OR7D2: variants seen among roughly 807,000 people sequenced by gnomAD.
The protein encoded by OR7D2 is olfactory receptor family 7 subfamily D member 2, also known as olfactory receptor 7D2.
For missense variants in OR7D2, 370 were observed against 384.1 expected (o/e 0.96, Z 0.31); for synonymous variants, 158 against 158.7 (o/e 1.00, Z 0.03).
chr19:9,183,574 GACCTT>G (rs1046696010), intron 2 of OR7D2, among the ~76,000 whole-genome samples: 2 of 152,108 alleles, frequency 1.3e-5, no homozygotes, highest in African/African-American at 4.8e-5. Context: ...CACCATGCCT[GACCTT>G]AGAATTATTA....
At chr19:9,181,362 T>C (rs2050988088) in intron 2 of OR7D2, among the ~76,000 whole-genome samples, 1 of 150,984 alleles carries the variant, frequency 6.6e-6, no homozygotes, top group Admixed American at 6.6e-5. Context: ...ATGTCATCTA[T>C]AGCAAAAGAA....
In OR7D2 at chr19:9,188,778, C is replaced by T. The variant is rs1466661197; in HGVS notation, c.*2058C>T. ...CAGATCAACAGTGTTTATTTGTTTT[C>T]CTACTGGATGAAGTATGATTAAAAT... On this transcript the variant is annotated 3_prime_UTR_variant, in exon 3 of 3. Coordinates refer to ENST00000641288, the MANE Select transcript of OR7D2 (RefSeq NM_175883.4). The T allele has an allele frequency of 6.0e-6, 1 of 166,972 alleles. No homozygotes were observed. Among genetic ancestry groups the T allele is most frequent in the Admixed American group, 6.5e-5 (1 of 15,270 alleles). The allele number at this position is 166,972 out of a possible 1,614,324, so 10.3% of individuals were successfully genotyped here.
chr19:9,180,657 T>C (rs1393570886), intron 1 of OR7D2, 41 bp from the exon 2 acceptor site: 1 of 121,504 alleles, frequency 8.2e-6, no homozygotes, highest in Non-Finnish European at 1.7e-5. Flanking sequence ...ATTTCTTGTT[T>C]GTCTTATATG....
chr19:9,182,582 AG>A (rs2050998434), intron 2 of OR7D2: 1 of 160,278 alleles, frequency 6.2e-6, no homozygotes, highest in Non-Finnish European at 1.4e-5. Context: ...CAGTGTCGCG[AG>A]ATCTCGGCTC....
In OR7D2 at chr19:9,186,705, A is replaced by C. The variant is rs61733545; in HGVS notation, c.924A>C (p.Ala308=). The C allele has an allele frequency of 0.053, 85,207 of 1,600,482 alleles. 3,000 individuals carry two copies. The highest frequency in any genetic ancestry group is 0.15 in the East Asian group (6,817 of 44,772). Residue 308 remains alanine, a synonymous_variant, in exon 3 of 3, where the codon GCA becomes GCC. Coordinates refer to ENST00000641288, the MANE Select transcript of OR7D2 (RefSeq NM_175883.4). ...KGALGSLLSR[A]ASCL is the part of the protein sequence containing the mutation. ...CCCTGGGGAGTCTCCTCAGCAGGGCAGCCTCTTGTTTGTGATGGATCCCTT... is the reference window on the plus strand; with the variant it reads ...CCCTGGGGAGTCTCCTCAGCAGGGCCGCCTCTTGTTTGTGATGGATCCCTT...
At chr19:9,183,130 C>T (rs1249334748) in intron 2 of OR7D2, 2 of 224,112 alleles carry the variant, frequency 8.9e-6, no homozygotes, top group African/African-American at 2.3e-5. Flanking sequence ...CAGCAGGGTC[C>T]GTGTGTACTG....
chr19:9,188,040 G>A lies in OR7D2; in HGVS notation c.*1320G>A, dbSNP rs1032551730. ...ATAATGACTTTGTTTCCTTTGGGTA[G>A]ATACCCAGTAGTGGAACTGCTGGAC... On this transcript the variant is annotated 3_prime_UTR_variant, in exon 3 of 3. Transcript: ENST00000641288. 1.8e-5 allele frequency: 3 copies of A among 164,950 alleles called. No individual in the cohort carries two copies. The highest frequency in any genetic ancestry group is 7.3e-5 in the African/African-American group (3 of 41,364). 10.2% of individuals were successfully genotyped at this position (164,950 alleles called of 1,614,324 possible).
At position 9,186,447 on chromosome 19, in the gene OR7D2, T is replaced by C. The variant is rs780311511; in HGVS notation, c.666T>C (p.Ala222=). The change falls in exon 3 of 3, where the codon GCT becomes GCC. Residue 222 remains alanine (A), a synonymous_variant. Coordinates refer to ENST00000641288, the MANE Select transcript of OR7D2 (RefSeq NM_175883.4). ...LGIIFSYSRI[A]SSIRKMSSSG... The stretch of plus-strand genomic sequence containing the variant: ...TCATTTTCTCTTATTCACGAATTGC[T>C]TCATCCATAAGGAAGATGTCCTCAT... 1 of 1,614,208 alleles carries C rather than the reference T, an allele frequency of 6.2e-7. No homozygotes were observed. The highest frequency in any genetic ancestry group is 8.5e-7 in the Non-Finnish European group (1 of 1,180,038).
chr19:9,184,241 GAAAAAATAC>G (rs1029494092), intron 2 of OR7D2, among the ~76,000 whole-genome samples: 5 of 151,376 alleles, frequency 3.3e-5, no homozygotes, highest in African/African-American at 9.7e-5. Flanking sequence ...CTAAAAAAAA[GAAAAAATAC>G]AAAAAATACA....
In OR7D2 at chr19:9,186,612, G is replaced by A. The variant is rs2051037909; in HGVS notation, c.831G>A (p.Met277Ile). Residue 277 changes from methionine to isoleucine, a missense_variant, in exon 3 of 3, where the codon ATG becomes ATA. By Grantham distance (10) the Met-to-Ile change is conservative. Transcript: ENST00000641288. ...SSQKISVASV[M>I]YTVVTPMLNP... ...AGAAAATCTCCGTGGCCTCGGTGAT[G>A]TACACTGTGGTCACCCCCATGTTGA... is the stretch of plus-strand genomic sequence containing the variant. 1 of 1,613,760 alleles carries A rather than the reference G, an allele frequency of 6.2e-7. No individual in the cohort carries two copies. Among genetic ancestry groups the A allele is most frequent in the Admixed American group, 1.7e-5 (1 of 59,980 alleles).
intron 2 of OR7D2, chr19:9,183,087 T>G (rs970782228): frequency 1.0e-4 from 31 of 298,802 alleles, no homozygotes; most frequent in Admixed American, 7.0e-4. Context: ...CCCCAGGAAC[T>G]TTAGTAGTTT....
rs1443468243 is a variant in OR7D2, at chr19:9,186,247, T to A, written c.466T>A (p.Ser156Thr). ...CACCTGGCTCATTGGTGTCATGACA[T>A]CCCTCCTCCATATTTCTCTGATGAT... ...FVTWLIGVMT[S>T]LLHISLMMHL... is the part of the protein sequence containing the mutation. The change falls in exon 3 of 3, where the codon TCC (serine) becomes ACC (threonine). Residue 156 changes from serine (S) to threonine (T), a missense_variant. By Grantham distance (58) the Ser-to-Thr change is moderately conservative. Coordinates refer to ENST00000641288, the MANE Select transcript of OR7D2 (RefSeq NM_175883.4). 1 of 1,613,910 alleles carries A rather than the reference T, an allele frequency of 6.2e-7. No individual in the cohort carries two copies. Among genetic ancestry groups the A allele is most frequent in the Non-Finnish European group, 8.5e-7 (1 of 1,179,966 alleles).
intron 2 of OR7D2, chr19:9,182,972 C>T (rs373576109): frequency 2.9e-4 from 132 of 452,690 alleles, no homozygotes; most frequent in African/African-American, 2.6e-3. Flanking sequence ...AAATTCATGG[C>T]CATCAGATAA....
rs77836061 is a variant in OR7D2 at position 9,186,610 on chromosome 19, A to G, written c.829A>G (p.Met277Val). The change falls in exon 3 of 3, where the codon ATG becomes GTG. Residue 277 changes from methionine to valine, a missense_variant. By Grantham distance (21) the Met-to-Val change is conservative (BLOSUM62 1). Transcript: ENST00000641288. ...SSQKISVASVMYTVVTPMLNP... is the reference protein window; with the variant it reads ...SSQKISVASVVYTVVTPMLNP... ...CCAGAAAATCTCCGTGGCCTCGGTG[A>G]TGTACACTGTGGTCACCCCCATGTT... 6.2e-7 allele frequency: 1 copy of G among 1,613,790 alleles called. No individual in the cohort carries two copies. Among genetic ancestry groups the G allele is most frequent in the Non-Finnish European group, 8.5e-7 (1 of 1,179,926 alleles).
At chr19:9,181,446 T>C (rs916392348) in intron 2 of OR7D2, among the ~76,000 whole-genome samples, 23 of 124,562 alleles carry the variant, frequency 1.8e-4, no homozygotes, top group Non-Finnish European at 2.6e-4. Context: ...TTCCTAGACT[T>C]TTTTTTTTTT....
At chr19:9,181,370 GA>G (rs2050988165) in intron 2 of OR7D2, among the ~76,000 whole-genome samples, 1 of 146,768 alleles carries the variant, frequency 6.8e-6, no homozygotes, top group African/African-American at 2.5e-5. Flanking sequence ...TATAGCAAAA[GA>G]AAGACTCAAG....
intron 2 of OR7D2, among the ~76,000 whole-genome samples, chr19:9,184,499 A>C (rs1599211122): frequency 7.1e-6 from 1 of 140,700 alleles, no homozygotes; most frequent in South Asian, 2.1e-4. Context: ...ATTTAAAATA[A>C]AAGAAATTTA....
chr19:9,183,024 C>T (rs2051002182), intron 2 of OR7D2: 8 of 397,614 alleles, frequency 2.0e-5, no homozygotes, highest in South Asian at 1.9e-4. Flanking sequence ...TCACAGCCAC[C>T]GTAGGTTTTC....
At chr19:9,184,210 C>A (rs1390692301) in intron 2 of OR7D2, among the ~76,000 whole-genome samples, 1 of 151,390 alleles carries the variant, frequency 6.6e-6, no homozygotes, top group African/African-American at 2.4e-5. Context: ...GCCTGGTCAA[C>A]AAGGTGAAAC....
Sources: gnomAD v4.1 joint callset for allele counts (sites outside exome capture counted in the v4.1 genomes callset) on GRCh38, gnomAD v4.1.1 for gene constraint, MANE v1.5 for transcripts, NCBI Gene and HGNC (gene_info 2026-07-23, HGNC 2026-07-21) for gene names.